The following KCNMA1 variants were observed in gnomAD, a reference collection of about 807,000 sequenced individuals.
KCNMA1 encodes the protein Calcium-activated potassium channel subunit alpha-1.
A neutral mutation model predicts 140.0 loss-of-function variants in KCNMA1; 29 were observed. The observed-to-expected ratio is 0.21, with a 90% CI of 0.15 to 0.28. The LOEUF is 0.28. Ranked by LOEUF, KCNMA1 falls within the 10% of genes least tolerant of loss-of-function variation. KCNMA1 has a pLI of 1.00. For synonymous variants in KCNMA1, 612 were observed against 611.9 expected, an observed-to-expected ratio of 1.00 and a Z score of 0.00; for missense variants, 880 against 1,602.2, an observed-to-expected ratio of 0.55 and a Z score of 7.70.
At chr10:77,333,966 A>T (rs1020343294) in intron 2 of KCNMA1, among the ~76,000 whole-genome samples, 4 of 152,230 alleles carry the variant, frequency 2.6e-5, no homozygotes, top group African/African-American at 9.6e-5. Flanking sequence ...TGAATAAATG[A>T]ATAAAGAAAC....
At chr10:77,212,332 C>T (rs1283639706) in intron 3 of KCNMA1, among the ~76,000 whole-genome samples, 1 of 152,150 alleles carries the variant, frequency 6.6e-6, no homozygotes, top group African/African-American at 2.4e-5. Context: ...TAATCCTAAG[C>T]AAATTAACAC....
At chr10:77,039,011 C>G (rs2094500751) in intron 15 of KCNMA1, 1 of 184,210 alleles carries the variant, frequency 5.4e-6, no homozygotes, top group Non-Finnish European at 1.1e-5. Flanking sequence ...TGGCAGTTGT[C>G]TATGTGGGGG....
intron 1 of KCNMA1, among the ~76,000 whole-genome samples, chr10:77,589,819 G>A (rs1388671575): frequency 1.3e-5 from 2 of 152,076 alleles, no homozygotes; most frequent in Non-Finnish European, 2.9e-5. Flanking sequence ...AGGATTTATC[G>A]CAAAGAGGGA....
intron 12 of KCNMA1, among the ~76,000 whole-genome samples, chr10:77,080,395 T>C (rs2153735736): frequency 6.6e-6 from 1 of 152,316 alleles, no homozygotes; most frequent in Middle Eastern, 3.4e-3. Context: ...AGCTTGCCTT[T>C]GAATTCTTTT....
intron 23 of KCNMA1, among the ~76,000 whole-genome samples, chr10:76,931,311 T>C (rs2059215747): frequency 6.6e-6 from 1 of 152,120 alleles, no homozygotes; most frequent in African/African-American, 2.4e-5. Flanking sequence ...TGTATTTCAA[T>C]AAACCTGGAG....
Position 77,090,506 on chromosome 10 carries a change from T to G in KCNMA1, c.1228A>C (p.Ile410Leu). 2 of 1,611,636 alleles carry G rather than the reference T, an allele frequency of 1.2e-6. No individual in the cohort carries two copies. The highest frequency in any genetic ancestry group is 1.7e-6 in the Non-Finnish European group (2 of 1,177,716). Reference sequence around the variant, plus strand: ...AGAGTGATGTGTCCGCAGACCACAATGTGCCTGAACAGGAGAGGCCAGTTA... The same window carrying G: ...AGAGTGATGTGTCCGCAGACCACAAGGTGCCTGAACAGGAGAGGCCAGTTA... The part of the protein sequence containing the change: ...SYSAVSGRKH[I>L]VVCGHITLES... The change falls in exon 10 of 28, where the codon ATT becomes CTT. Residue 410 changes from isoleucine (I) to leucine (L), a missense_variant. Physicochemically the swap from Ile to Leu is conservative, Grantham distance 5. Around this residue, in one of 13 missense-constraint regions of KCNMA1, gnomAD observed 198 missense variants for 580.1 expected, o/e 0.34. Transcript: ENST00000286628.
At chr10:76,910,121 T>G in intron 24 of KCNMA1, 25 bp from the exon 25 acceptor site, 1 of 1,612,768 alleles carries the variant, frequency 6.2e-7, no homozygotes, top group Non-Finnish European at 8.5e-7. Context: ...AAATAAGAAT[T>G]AGCTCTGAAG....
chr10:76,879,709 G>A (rs2033810490), intron 29 of KCNMA1, among the ~76,000 whole-genome samples: 1 of 152,156 alleles, frequency 6.6e-6, no homozygotes, highest in South Asian at 2.1e-4. Flanking sequence ...ATCCGGGACT[G>A]TGTACACATC....
intron 9 of KCNMA1, among the ~76,000 whole-genome samples, chr10:77,102,955 A>G (rs1564550313): frequency 6.6e-6 from 1 of 152,186 alleles, no homozygotes; most frequent in Non-Finnish European, 1.5e-5. Context: ...AGCACCCAAC[A>G]AAACCCAGCA....
rs536349347 is a variant in KCNMA1, at chr10:77,048,905, C to T, written c.1750-9268G>A. 3.9e-5 allele frequency among the ~76,000 whole-genome samples: 6 copies of T among 152,166 alleles called. No homozygotes were observed. The South Asian group carries it at 6.2e-4, about 16-fold the overall frequency. Reference sequence around the variant, plus strand: ...CCTCCTGACTAGCTGGGACTACAAGCGCCTGCCACCACGCCCGGTTAATTT... The same window carrying T: ...CCTCCTGACTAGCTGGGACTACAAGTGCCTGCCACCACGCCCGGTTAATTT... On this transcript the variant is annotated intron_variant, in intron 14 of 27. Transcript: ENST00000286628.
chr10:77,440,857 C>T (rs2097381517), intron 1 of KCNMA1, among the ~76,000 whole-genome samples: 4 of 152,126 alleles, frequency 2.6e-5, no homozygotes, highest in African/African-American at 9.7e-5. Context: ...CTCATTCTGT[C>T]GCCCAGGCTG....
rs72803372 is a variant in KCNMA1 at position 76,964,032 on chromosome 10, C to T, written c.2360+5942G>A. ...TTGGCTCCTGGGTGATTACTATTTC[C>T]TGATACTTCCTGAGGCTTTGCAGAG... On this transcript the variant is annotated intron_variant, in intron 20 of 27. Transcript: ENST00000286628. Among the ~76,000 whole-genome samples the T allele has an allele frequency of 5.9e-3, 895 of 152,092 alleles. 8 individuals are homozygous for T. The highest frequency in any genetic ancestry group is 6.9e-3 in the Non-Finnish European group (470 of 68,006).
At chr10:77,154,640 A>G (rs2098462409) in intron 5 of KCNMA1, among the ~76,000 whole-genome samples, 1 of 152,174 alleles carries the variant, frequency 6.6e-6, no homozygotes, top group Non-Finnish European at 1.5e-5. Flanking sequence ...CTGTATCTAT[A>G]TAGAGATACA....
intron 19 of KCNMA1, chr10:76,977,517 AAAGACT>A (rs1442668535): frequency 1.7e-5 from 12 of 702,744 alleles, no homozygotes; most frequent in Non-Finnish European, 2.6e-5. Flanking sequence ...TATGGGTTGC[AAAGACT>A]AAGATATTAA....
intron 20 of KCNMA1, among the ~76,000 whole-genome samples, chr10:76,959,716 C>T (rs1182361133): frequency 1.3e-5 from 2 of 152,160 alleles, no homozygotes; most frequent in African/African-American, 4.8e-5. Flanking sequence ...TCTACTACTG[C>T]TACTATTAAT....
At chr10:77,076,941 T>C (rs183119441) in intron 13 of KCNMA1, among the ~76,000 whole-genome samples, 73 of 152,242 alleles carry the variant, frequency 4.8e-4, no homozygotes, top group Non-Finnish European at 7.9e-4. Context: ...CATAGTGACA[T>C]GACTTTACAG....
chr10:77,542,428 A>T (rs1375815630), intron 1 of KCNMA1, among the ~76,000 whole-genome samples: 1 of 152,232 alleles, frequency 6.6e-6, no homozygotes, highest in Non-Finnish European at 1.5e-5. Context: ...ACAGAATCTC[A>T]GCACTGGAAA....
intron 2 of KCNMA1, among the ~76,000 whole-genome samples, chr10:77,399,787 C>T (rs144919312): frequency 4.3e-4 from 65 of 152,326 alleles, no homozygotes; most frequent in African/African-American, 1.5e-3. Context: ...CTCTGTTGCT[C>T]ACTGCTTTAT....
At chr10:77,609,254 T>C (rs1315780225) in intron 1 of KCNMA1, among the ~76,000 whole-genome samples, 4 of 152,218 alleles carry the variant, frequency 2.6e-5, no homozygotes, top group Non-Finnish European at 5.9e-5. Flanking sequence ...AGTGGAACAC[T>C]ATTCAGCCTT....
Sources: gnomAD v4.1 joint callset for allele counts (sites outside exome capture counted in the v4.1 genomes callset) on GRCh38, gnomAD v4.1.1 for gene constraint, gnomAD v4.1.1 regional missense constraint, MANE v1.5 for transcripts, NCBI Gene and HGNC (gene_info 2026-07-23, HGNC 2026-07-21) for gene names.